AFF2: variants seen among roughly 807,000 people sequenced by gnomAD.
AFF2 encodes the protein ALF transcription elongation factor 2, also known as AF4/FMR2 family member 2.
In AFF2, 14 loss-of-function variants were observed where a neutral mutation model predicts 76.9. That is an observed-to-expected ratio of 0.18 (90% confidence interval 0.12 to 0.28). The LOEUF is 0.28. AFF2 is among the 10% of genes least tolerant of loss of function. The pLI, the probability that AFF2 is intolerant of heterozygous loss-of-function variation, is 1.00. For synonymous variants in AFF2, 398 were observed against 366.7 expected (o/e 1.09, Z -0.98); for missense variants, 868 against 1,001.1 (o/e 0.87, Z 1.79).
chrX:148,558,484 A>G (rs2053076715), intron 1 of AFF2, among the ~76,000 whole-genome samples: 1 of 111,425 alleles, frequency 9.0e-6, no homozygotes, highest in African/African-American at 3.3e-5. Context: ...ACAGACATAT[A>G]TATAGCTGCT....
rs1050319227 is a variant in AFF2 at position 148,915,536 on chromosome X, A to G, written c.1397+11278A>G. On this transcript the variant is annotated intron_variant, in intron 9 of 20. Transcript: ENST00000370460. ...AAACTGTTGTGGCTTATATTCCTCC[A>G]TGGAAGCCTGGCAAAGGGAGCTCAG... 3.6e-5 allele frequency among the ~76,000 whole-genome samples: 4 copies of G among 112,489 alleles called. No individual in the cohort carries two copies. In the Admixed American group the frequency reaches 3.8e-4, roughly 11 times the overall value.
At chrX:148,721,260 T>A (rs782372443) in intron 3 of AFF2, among the ~76,000 whole-genome samples, 1 of 111,893 alleles carries the variant, frequency 8.9e-6, no homozygotes, top group Non-Finnish European at 1.9e-5. Context: ...TGTGGATAAA[T>A]GAAAACTTGA....
chrX:148,797,420 G>A (rs2124630046), intron 3 of AFF2, among the ~76,000 whole-genome samples: 1 of 112,007 alleles, frequency 8.9e-6, no homozygotes, highest in South Asian at 3.8e-4. Flanking sequence ...GGGACAAAGT[G>A]TTACATATAG....
intron 3 of AFF2, among the ~76,000 whole-genome samples, chrX:148,722,354 G>A (rs920197269): frequency 1.8e-5 from 2 of 111,174 alleles, no homozygotes; most frequent in African/African-American, 3.3e-5. Flanking sequence ...ACGTATCCAC[G>A]CCTTCTGATA....
intron 1 of AFF2, among the ~76,000 whole-genome samples, chrX:148,594,007 T>G (rs782580110): frequency 8.9e-6 from 1 of 111,773 alleles, no homozygotes; most frequent in African/African-American, 3.3e-5. Context: ...AGTGAGTTAA[T>G]ATATGTTTAA....
chrX:148,900,908 A>G (rs1389303789), intron 8 of AFF2, among the ~76,000 whole-genome samples: 2 of 111,969 alleles, frequency 1.8e-5, no homozygotes, highest in Admixed American at 1.9e-4. Flanking sequence ...ATAACTACGT[A>G]GGTTTCATAC....
chrX:148,738,705 C>T (rs1200727779), intron 3 of AFF2, among the ~76,000 whole-genome samples: 1 of 110,728 alleles, frequency 9.0e-6, no homozygotes. Context: ...TGAGGTGTGA[C>T]CTTAGATTTT....
At chrX:148,688,573 T>C (rs1347975951) in intron 3 of AFF2, among the ~76,000 whole-genome samples, 1 of 111,436 alleles carries the variant, frequency 9.0e-6, no homozygotes, top group Non-Finnish European at 1.9e-5. Flanking sequence ...AATTAATTTA[T>C]CATTGTATCC....
chrX:148,607,791 A>G (rs2053687052), intron 1 of AFF2, among the ~76,000 whole-genome samples: 1 of 111,863 alleles, frequency 8.9e-6, no homozygotes, highest in East Asian at 2.8e-4. Flanking sequence ...TCTTTTAAAA[A>G]TGGTTCTACA....
intron 8 of AFF2, among the ~76,000 whole-genome samples, chrX:148,887,924 G>C (rs2071178181): frequency 8.9e-6 from 1 of 112,638 alleles, no homozygotes; most frequent in African/African-American, 3.2e-5. Flanking sequence ...GAGAATGCTT[G>C]TGCAGTAGTG....
intron 3 of AFF2, among the ~76,000 whole-genome samples, chrX:148,710,063 T>G (rs781874362): frequency 9.0e-6 from 1 of 111,491 alleles, no homozygotes; most frequent in African/African-American, 3.3e-5. Flanking sequence ...ACTGGAAAAA[T>G]CCCTTACTCA....
intron 1 of AFF2, among the ~76,000 whole-genome samples, chrX:148,635,068 A>AATGTCC (rs2054017373): frequency 9.0e-6 from 1 of 111,448 alleles, no homozygotes; most frequent in Admixed American, 9.6e-5. Context: ...CCTCCCCCAA[A>AATGTCC]ATGTCCATGT....
chrX:148,577,157 C>T (rs1343587009), intron 1 of AFF2, among the ~76,000 whole-genome samples: 1 of 111,956 alleles, frequency 8.9e-6, no homozygotes, highest in African/African-American at 3.2e-5. Context: ...AATTGCTATT[C>T]ATGAAAAAGC....
intron 1 of AFF2, among the ~76,000 whole-genome samples, chrX:148,519,824 C>T (rs1381644182): frequency 2.7e-5 from 3 of 111,790 alleles, no homozygotes; most frequent in African/African-American, 9.8e-5. Context: ...CACCTCTCCC[C>T]ACTCCATATA....
At chrX:148,935,679 C>T (rs1306258229) in intron 9 of AFF2, among the ~76,000 whole-genome samples, 1 of 111,586 alleles carries the variant, frequency 9.0e-6, no homozygotes, top group Non-Finnish European at 1.9e-5. Context: ...ATAAGCACAG[C>T]TCTCCAGCTC....
intron 1 of AFF2, among the ~76,000 whole-genome samples, chrX:148,517,322 A>G (rs1456722859): frequency 2.7e-5 from 3 of 111,856 alleles, no homozygotes; most frequent in East Asian, 5.6e-4. Context: ...TCGTTGCTTC[A>G]TGCTGGAGAT....
chrX:148,599,065 T>C (rs2053602510), intron 1 of AFF2, among the ~76,000 whole-genome samples: 1 of 112,135 alleles, frequency 8.9e-6, no homozygotes, highest in Non-Finnish European at 1.9e-5. Flanking sequence ...CCCAAGTTTG[T>C]CTCAAAATTA....
At chrX:148,543,842 G>A (rs782277734) in intron 1 of AFF2, among the ~76,000 whole-genome samples, 2 of 112,226 alleles carry the variant, frequency 1.8e-5, no homozygotes, top group African/African-American at 3.2e-5. Context: ...TGATCTGCAC[G>A]TCTTACTTTC....
chrX:148,980,059 G>A (rs2072373521), intron 18 of AFF2, among the ~76,000 whole-genome samples: 1 of 111,895 alleles, frequency 8.9e-6, no homozygotes, highest in African/African-American at 3.3e-5. Flanking sequence ...TCCTGTAGTG[G>A]TAATGCTGAA....
Sources: gnomAD v4.1 joint callset for allele counts (sites outside exome capture counted in the v4.1 genomes callset) on GRCh38, gnomAD v4.1.1 for gene constraint, MANE v1.5 for transcripts, NCBI Gene and HGNC (gene_info 2026-07-23, HGNC 2026-07-21) for gene names.